TOP3B: variants seen among roughly 807,000 people sequenced by gnomAD.
TOP3B encodes DNA topoisomerase III beta, also known as DNA topoisomerase 3-beta-1.
TOP3B carries 45 observed loss-of-function variants against 93.9 expected under a neutral mutation model. That is an observed-to-expected ratio of 0.48 (90% CI 0.38 to 0.61). The LOEUF is 0.61. Among genes scored for constraint, TOP3B ranks in the 20% least tolerant of loss-of-function variants. The pLI is 0.00. For synonymous variants in TOP3B, 357 were observed against 472.6 expected (o/e 0.76, Z 3.17); for missense variants, 750 against 1,156.1 (o/e 0.65, Z 5.09).
chr22:21,967,880 C>A (rs2071475576), intron 7 of TOP3B, 164 bp from the exon 8 acceptor site: 2 of 600,454 alleles, frequency 3.3e-6, no homozygotes, highest in East Asian at 5.7e-5. Flanking sequence ...GATACGCAAG[C>A]TGACATCTGG....
Position 21,971,272 on chromosome 22 carries a change from G to T in TOP3B, c.384+605C>A. The T allele has an allele frequency of 3.6e-6, 1 of 276,874 alleles. No individual in the cohort carries two copies. The highest frequency in any genetic ancestry group is 2.6e-5 in the South Asian group (1 of 38,036). The allele number at this position is 276,874 out of a possible 1,614,324, so 17.2% of individuals were successfully genotyped here. ...GCCACGGGTGAGAGCTGGGGGTACA[G>T]GAGCACGGGGGCGACCCATAGAACA... On this transcript the variant is annotated intron_variant, in intron 5 of 17. Transcript: ENST00000357179. This position sits in a 1 kb window ranked among gnomAD's most constrained non-coding sequence, Gnocchi z 4.6.
intron 16 of TOP3B, 132 bp from the exon 17 acceptor site, chr22:21,958,825 A>G (rs1221408666): frequency 4.3e-6 from 6 of 1,391,360 alleles, no homozygotes; most frequent in Non-Finnish European, 5.7e-6. Flanking sequence ...GGCAAGGAGC[A>G]TGAGTCTCTG....
chr22:21,972,793 G>T, intron 3 of TOP3B, 75 bp from the exon 4 acceptor site: 1 of 1,237,704 alleles, frequency 8.1e-7, no homozygotes, highest in African/African-American at 1.5e-5. Context: ...GGAGGATGTT[G>T]GCCTCATCCC....
intron 13 of TOP3B, chr22:21,961,956 G>T: frequency 5.2e-6 from 2 of 383,126 alleles, no homozygotes; most frequent in Non-Finnish European, 8.1e-6. Flanking sequence ...CCATTTTTGC[G>T]TGGAAACTTC....
At chr22:21,976,915 C>T (rs41280023) in intron 1 of TOP3B, 1 of 152,158 alleles carries the variant, frequency 6.6e-6, no homozygotes, top group Non-Finnish European at 1.5e-5. Flanking sequence ...TAAAGTTAGA[C>T]TCCTGCTTCC....
In TOP3B at chr22:21,964,006, C is replaced by A; in HGVS notation, c.1121G>T (p.Gly374Val). ...ATGGCCTTTCCGCGGGCGGTTGATACCTTCTGCTAACAACCGCTTCACCTG... is the reference window on the plus strand; with the variant it reads ...ATGGCCTTTCCGCGGGCGGTTGATAACTTCTGCTAACAACCGCTTCACCTG... ...ADTVKRLLAE[G>V]INRPRKGHDA... is the part of the protein sequence containing the mutation. Residue 374 changes from glycine (G) to valine (V), a missense_variant, in exon 11 of 18, where the codon GGT becomes GTT. Coordinates refer to ENST00000357179, the MANE Select transcript of TOP3B (RefSeq NM_001282112.2). 6.2e-7 allele frequency: 1 copy of A among 1,610,214 alleles called. No individual in the cohort carries two copies. Among genetic ancestry groups the A allele is most frequent in the African/African-American group, 1.3e-5 (1 of 75,024 alleles).
chr22:21,960,793 C>A, intron 13 of TOP3B: 2 of 278,130 alleles, frequency 7.2e-6, no homozygotes, highest in Non-Finnish European at 1.4e-5. Flanking sequence ...CTGCCTGGGT[C>A]CTGTGGCACC....
At chr22:21,969,119 AAACAATTT>A in intron 6 of TOP3B, 1 of 195,214 alleles carries the variant, frequency 5.1e-6, no homozygotes, top group African/African-American at 2.3e-5. Flanking sequence ...TCAGCTAAAT[AAACAATTT>A]TCTTTAGGTC....
At chr22:21,960,275 G>A (rs779255154) in intron 14 of TOP3B, 46 bp downstream of exon 14, 5 of 1,611,476 alleles carry the variant, frequency 3.1e-6, no homozygotes, top group East Asian at 4.5e-5. Flanking sequence ...CCAGGGAGAA[G>A]CCAGGGAGCC....
At position 21,959,589 on chromosome 22, in the gene TOP3B, G is replaced by C. The variant is rs1477687137; in HGVS notation, c.1802C>G (p.Ala601Gly). 2 of 1,608,704 alleles carry C rather than the reference G, an allele frequency of 1.2e-6. No homozygotes were observed. The highest frequency in any genetic ancestry group is 2.7e-5 in the African/African-American group (2 of 74,856). ...RKFHYFVDSI[A>G]GMDELMEVSF... ...GGCAGGCCAGAGGCAGACTCTACCAGCAATGGAGTCGACAAAGTAGTGGAA... is the reference window on the plus strand; with the variant it reads ...GGCAGGCCAGAGGCAGACTCTACCACCAATGGAGTCGACAAAGTAGTGGAA... The change falls in exon 15 of 18, where the codon GCT (alanine) becomes GGT (glycine). Residue 601 changes from alanine to glycine, a missense_variant and splice_region_variant. This residue lies in a region of TOP3B where 737 missense variants were observed against 933.7 expected (regional missense o/e 0.79). Transcript: ENST00000357179.
chr22:21,962,506 A>T lies in TOP3B; in HGVS notation c.1448T>A (p.Met483Lys), dbSNP rs373767282. The change falls in exon 13 of 18, where the codon ATG becomes AAG. Residue 483 changes from methionine (M) to lysine (K), a missense_variant. Physicochemically the swap from Met to Lys is moderately conservative, Grantham distance 95. Transcript: ENST00000357179. ...GGGTGGGTTCGTCTGCTTCTCCAGC[A>T]TCTTCACCTCGCCCACAGGGAAGGC... ...GDAFPVGEVK[M>K]LEKQTNPPDY... is the part of the protein sequence containing the mutation. 9 of 1,613,566 alleles carry T rather than the reference A, an allele frequency of 5.6e-6. No homozygotes were observed. Among genetic ancestry groups the T allele is most frequent in the Non-Finnish European group, 7.6e-6 (9 of 1,180,006 alleles).
At chr22:21,980,874 C>T (rs749100533) in intron 1 of TOP3B, among the ~76,000 whole-genome samples, 11 of 152,222 alleles carry the variant, frequency 7.2e-5, no homozygotes, top group Non-Finnish European at 1.6e-4. Context: ...TTTCTGGCAC[C>T]CAGCATGCAC....
intron 13 of TOP3B, 22 bp from the exon 14 acceptor site, chr22:21,960,471 G>A (rs746478801): frequency 6.2e-7 from 1 of 1,612,590 alleles, no homozygotes; most frequent in South Asian, 1.1e-5. Flanking sequence ...AAGGCCCCAG[G>A]GTTCCTGGCC....
Position 21,958,603 on chromosome 22 carries a change from A to C in TOP3B, c.1996T>G (p.Cys666Gly). ...GTIKLYKELR[C>G]PLDDFELVLW... is the part of the protein sequence containing the mutation. Reference sequence around the variant, plus strand: ...ACCAGCTCGAAGTCATCCAGAGGGCAGCGGAGCTCCTTGTAGAGCTTGATG... The same window carrying C: ...ACCAGCTCGAAGTCATCCAGAGGGCCGCGGAGCTCCTTGTAGAGCTTGATG... Residue 666 changes from cysteine to glycine, a missense_variant, in exon 17 of 18, where the codon TGC (cysteine) becomes GGC (glycine). Coordinates refer to ENST00000357179, the MANE Select transcript of TOP3B (RefSeq NM_001282112.2). 1.2e-6 allele frequency: 2 copies of C among 1,614,118 alleles called. No homozygotes were observed. Among genetic ancestry groups the C allele is most frequent in the Non-Finnish European group, 1.7e-6 (2 of 1,180,034 alleles).
intron 14 of TOP3B, 26 bp downstream of exon 14, chr22:21,960,295 C>G: frequency 6.2e-7 from 1 of 1,612,720 alleles, no homozygotes. Context: ...CTCGGTGGGC[C>G]CTGGGGGCAG....
chr22:21,972,249 A>T, intron 4 of TOP3B: 1 of 464,834 alleles, frequency 2.2e-6, no homozygotes, highest in Non-Finnish European at 3.8e-6. Context: ...TGATAACAGC[A>T]GTCGTCTTGG....
Position 21,970,807 on chromosome 22 carries a change from G to T in TOP3B, c.385-401C>A, listed in dbSNP as rs922775508. 8 of 296,206 alleles carry T rather than the reference G, an allele frequency of 2.7e-5. No homozygotes were observed. The highest frequency in any genetic ancestry group is 5.2e-5 in the Non-Finnish European group (8 of 155,290). The allele number at this position is 296,206 out of a possible 1,614,324, so 18.3% of individuals were successfully genotyped here. Reference sequence around the variant, plus strand: ...ACACGATTCCCTGCCTTCTAGGAGGGAGGGTTTGGAGGGGTGGGTGGAAAT... The same window carrying T: ...ACACGATTCCCTGCCTTCTAGGAGGTAGGGTTTGGAGGGGTGGGTGGAAAT... On this transcript the variant is annotated intron_variant, in intron 5 of 17. Transcript: ENST00000357179. This position sits in a 1 kb window ranked among gnomAD's most constrained non-coding sequence, Gnocchi z 4.4.
chr22:21,962,282 A>T (rs1474595452), intron 13 of TOP3B, 147 bp downstream of exon 13: 2 of 1,588,408 alleles, frequency 1.3e-6, no homozygotes, highest in Non-Finnish European at 1.7e-6. Context: ...CTGGCTGGCC[A>T]CACACTGGGT....
chr22:21,970,879 G>T lies in TOP3B; in HGVS notation c.385-473C>A. 1.7e-6 allele frequency: 1 copy of T among 572,318 alleles called. No homozygotes were observed. The highest frequency in any genetic ancestry group is 2.4e-6 in the Non-Finnish European group (1 of 408,828). 35.5% of individuals were successfully genotyped at this position (572,318 alleles called of 1,614,324 possible). ...CAGGGAAGGAAAAAAGAATGAAGGG[G>T]AAAGGAAATGGGCAAGAGCAGGAAG... On this transcript the variant is annotated intron_variant, in intron 5 of 17. Transcript: ENST00000357179. This position sits in a 1 kb window ranked among gnomAD's most constrained non-coding sequence, Gnocchi z 4.4.
Sources: allele counts gnomAD v4.1 joint callset (sites outside exome capture counted in the v4.1 genomes callset), GRCh38; gene constraint gnomAD v4.1.1; regional missense constraint gnomAD v4.1.1; non-coding constraint Gnocchi (gnomAD v3.1); transcripts MANE v1.5; gene names NCBI Gene and HGNC (gene_info 2026-07-23, HGNC 2026-07-21).